The following SMARCD2 variants were observed in gnomAD, a reference collection of about 807,000 sequenced individuals.
SMARCD2 encodes SWI/SNF related BAF chromatin remodeling complex subunit D2, also known as SWI/SNF-related matrix-associated actin-dependent regulator of chromatin subfamily D member 2.
A neutral mutation model predicts 70.4 loss-of-function variants in SMARCD2; 39 were observed. That is an observed-to-expected ratio of 0.55 (90% confidence interval 0.43 to 0.72). The LOEUF (loss-of-function observed/expected upper bound fraction) is 0.72. Ranked by LOEUF, SMARCD2 falls within the 30% of genes least tolerant of loss-of-function variation. The pLI is 0.00. For missense variants in SMARCD2, 540 were observed against 713.4 expected, an observed-to-expected ratio of 0.76 and a Z score of 2.77; for synonymous variants, 249 against 279.4, an observed-to-expected ratio of 0.89 and a Z score of 1.08.
chr17:63,835,287 T>A (rs1343562815), intron 5 of SMARCD2, 125 bp downstream of exon 5: 4 of 983,748 alleles, frequency 4.1e-6, no homozygotes, highest in Non-Finnish European at 4.4e-6. Flanking sequence ...CGCACCCAGC[T>A]AATTTTTAAA....
chr17:63,842,537 A>G lies in SMARCD2; in HGVS notation c.138T>C (p.Gly46=), dbSNP rs866484243. ...CGGGGCCCCCCACGCCTCCTGCCGG[A>G]CCCGGTCCCCGGAGCGCCGGTCCGG... ...MLPGPALRGP[G]PAGGVGGPGA... Residue 46 remains glycine, a synonymous_variant, in exon 1 of 13, where the codon GGT becomes GGC. Transcript: ENST00000448276. 15 of 1,209,964 alleles carry G rather than the reference A, an allele frequency of 1.2e-5. No homozygotes were observed. The African/African-American group carries it at 2.2e-4, about 18-fold the overall frequency. The allele number at this position is 1,209,964 out of a possible 1,614,324, so 75.0% of individuals were successfully genotyped here. A position where few individuals can be genotyped will look rare whatever the true frequency, so the allele number is the denominator to read the frequency against.
intron 4 of SMARCD2, among the ~76,000 whole-genome samples, chr17:63,836,421 C>T (rs1309305959): frequency 6.7e-6 from 1 of 150,294 alleles, no homozygotes; most frequent in Non-Finnish European, 1.5e-5. Flanking sequence ...ATTACTTGAA[C>T]CTGGGATGCG....
chr17:63,840,700 A>G (rs1162274990), intron 1 of SMARCD2, among the ~76,000 whole-genome samples: 1 of 152,154 alleles, frequency 6.6e-6, no homozygotes, highest in Non-Finnish European at 1.5e-5. Context: ...GCAGTCATAC[A>G]ACTGGACTTG....
rs2040213924 is a variant in SMARCD2, at chr17:63,833,048, G to C, written c.1542+21C>G. On this transcript the variant is annotated intron_variant, in intron 12 of 12. Transcript: ENST00000448276. This position sits in a 1 kb window ranked among gnomAD's most constrained non-coding sequence, Gnocchi z 4.3. ...CTTTGCTACTCACGGCCAAAGGAGG[G>C]AAAACAGGGCAGAGCCTCACCTTGG... 1 of 1,587,838 alleles carries C rather than the reference G, an allele frequency of 6.3e-7. No individual in the cohort carries two copies. Among genetic ancestry groups the C allele is most frequent in the African/African-American group, 1.3e-5 (1 of 74,420 alleles).
At position 63,832,662 on chromosome 17, in the gene SMARCD2, T is replaced by C; in HGVS notation, c.*276A>G. 3.8e-6 allele frequency: 2 copies of C among 530,168 alleles called. No homozygotes were observed. The highest frequency in any genetic ancestry group is 6.8e-6 in the Non-Finnish European group (2 of 292,656). The allele number at this position is 530,168 out of a possible 1,614,324, so 32.8% of individuals were successfully genotyped here. A position where few individuals can be genotyped will look rare whatever the true frequency, so the allele number is the denominator to read the frequency against. ...CCTTTGGTTCGGAAATGTCTTACAA[T>C]GTCAAAGCACAGCCTCCAGCAGTCC... On this transcript the variant is annotated 3_prime_UTR_variant, in exon 13 of 13. Transcript: ENST00000448276.
chr17:63,836,164 G>A (rs974369037), intron 4 of SMARCD2, among the ~76,000 whole-genome samples: 1 of 151,902 alleles, frequency 6.6e-6, no homozygotes, highest in Non-Finnish European at 1.5e-5. Flanking sequence ...CACCCATCAC[G>A]GCTCCAAAAT....
chr17:63,836,845 T>C, intron 4 of SMARCD2, 77 bp downstream of exon 4: 1 of 1,495,134 alleles, frequency 6.7e-7, no homozygotes, highest in Non-Finnish European at 9.2e-7. Flanking sequence ...TAGCCCAACT[T>C]GCTTGGCCCC....
chr17:63,840,489 CTTTTCT>C (rs1278844713), intron 1 of SMARCD2, among the ~76,000 whole-genome samples: 2 of 151,828 alleles, frequency 1.3e-5, no homozygotes, highest in Non-Finnish European at 2.9e-5. Flanking sequence ...AGGTTTTTTT[CTTTTCT>C]TTTTCTTTTT....
intron 1 of SMARCD2, chr17:63,838,603 T>C: frequency 6.7e-7 from 1 of 1,488,448 alleles, no homozygotes; most frequent in East Asian, 2.6e-5. Context: ...GCAGAAGGAT[T>C]TCCCACCTGA....
chr17:63,840,166 C>G (rs1904401475), intron 1 of SMARCD2, among the ~76,000 whole-genome samples: 1 of 151,582 alleles, frequency 6.6e-6, no homozygotes, highest in African/African-American at 2.4e-5. Flanking sequence ...TTTTTGAACT[C>G]TCTGGAGTGA....
chr17:63,835,727 T>G (rs1598358503), intron 4 of SMARCD2, 160 bp from the exon 5 acceptor site: 1 of 570,352 alleles, frequency 1.8e-6, no homozygotes, highest in South Asian at 2.3e-5. Context: ...TAAGTCCCAG[T>G]CCCAGCCTTT....
chr17:63,833,287 G>A lies in SMARCD2; in HGVS notation c.1440+11C>T. ...TTTACATAGGAGTCCCCTCGGGAAA[G>A]AGGACTACACCTTGAGGTCTCGGCG... is the stretch of plus-strand genomic sequence containing the variant. On this transcript the variant is annotated intron_variant, in intron 11 of 12. Transcript: ENST00000448276. The surrounding 1 kb of genome is among the most constrained non-coding windows in gnomAD (Gnocchi z 4.3). 1 of 1,613,986 alleles carries A rather than the reference G, an allele frequency of 6.2e-7. No individual in the cohort carries two copies. Among genetic ancestry groups the A allele is most frequent in the East Asian group, 2.2e-5 (1 of 44,890 alleles).
In SMARCD2 at chr17:63,833,484, T is replaced by A; in HGVS notation, c.1318-64A>T. On this transcript the variant is annotated intron_variant, in intron 10 of 12. Transcript: ENST00000448276. This position sits in a 1 kb window ranked among gnomAD's most constrained non-coding sequence, Gnocchi z 4.3. The stretch of plus-strand genomic sequence containing the variant: ...TTACATGCAAGCAACTGAGCCAGAG[T>A]TCCCATCCCGTCCTCCAGGTGCTAC... 1 of 1,609,460 alleles carries A rather than the reference T, an allele frequency of 6.2e-7. No homozygotes were observed. Among genetic ancestry groups the A allele is most frequent in the East Asian group, 2.2e-5 (1 of 44,806 alleles).
In SMARCD2 at chr17:63,834,044, G is replaced by T; in HGVS notation, c.1084-38C>A. The T allele has an allele frequency of 6.3e-7, 1 of 1,597,090 alleles. No individual in the cohort carries two copies. The highest frequency in any genetic ancestry group is 8.6e-7 in the Non-Finnish European group (1 of 1,164,658). ...CGAAAGGCTCAGCGTTGGCTTGTGG[G>T]CACAGTGGAGTGGACCATTCCAGGA... On this transcript the variant is annotated intron_variant, in intron 8 of 12. Coordinates refer to ENST00000448276, the MANE Select transcript of SMARCD2 (RefSeq NM_001098426.2). The surrounding 1 kb of genome is among the most constrained non-coding windows in gnomAD (Gnocchi z 5.6).
At chr17:63,839,257 C>T (rs993576436) in intron 1 of SMARCD2, 5 of 985,258 alleles carry the variant, frequency 5.1e-6, no homozygotes. Context: ...CAGGGAAGAA[C>T]TGAAGCAGTG....
At chr17:63,842,384 A>T in intron 1 of SMARCD2, 75 bp downstream of exon 1, 1 of 1,253,764 alleles carries the variant, frequency 8.0e-7, no homozygotes, top group Non-Finnish European at 1.0e-6. Context: ...CCCTCACTCG[A>T]GGCCCCTTCA....
At position 63,833,925 on chromosome 17, in the gene SMARCD2, T is replaced by C. The variant is rs1264208611; in HGVS notation, c.1165A>G (p.Ile389Val). The change falls in exon 9 of 13, where the codon ATC becomes GTC. Residue 389 changes from isoleucine to valine, a missense_variant. Ile to Val is a conservative substitution (Grantham distance 29). Transcript: ENST00000448276. This position sits in a 1 kb window ranked among gnomAD's most constrained non-coding sequence, Gnocchi z 4.3. ...TGCATTTACCTAATGACATGGTTGA[T>C]GACAATGGGGTCTGGATGCTGCAGC... ...GLLQHPDPIV[I>V]NHVISVDPND... is the part of the protein sequence containing the mutation. 1.9e-6 allele frequency: 3 copies of C among 1,612,502 alleles called. No homozygotes were observed. The highest frequency in any genetic ancestry group is 2.5e-6 in the Non-Finnish European group (3 of 1,178,490).
intron 4 of SMARCD2, 105 bp downstream of exon 4, chr17:63,836,817 A>G (rs1023388728): frequency 7.8e-6 from 8 of 1,030,036 alleles, no homozygotes; most frequent in Non-Finnish European, 1.2e-5. Context: ...TGCATCCTGC[A>G]TGTGAAAAAC....
intron 4 of SMARCD2, among the ~76,000 whole-genome samples, chr17:63,836,261 C>T (rs7209758): frequency 0.28 from 42,918 of 151,676 alleles, 6,440 homozygotes; most frequent in African/African-American, 0.37. Context: ...CAGTGGCTCA[C>T]GCCTGTAATC....
Sources: allele counts gnomAD v4.1 joint callset (sites outside exome capture counted in the v4.1 genomes callset), GRCh38; gene constraint gnomAD v4.1.1; non-coding constraint Gnocchi (gnomAD v3.1); transcripts MANE v1.5; gene names NCBI Gene and HGNC (gene_info 2026-07-23, HGNC 2026-07-21).